The following ABCD3 variants were observed in gnomAD, a reference collection of about 807,000 sequenced individuals.
ABCD3 encodes the protein ATP-binding cassette sub-family D member 3.
Under a neutral mutation model 105.5 loss-of-function variants are expected in ABCD3, and 41 were observed. The ratio of observed to expected loss-of-function variants is 0.39; its 90% CI spans 0.30 to 0.50. The LOEUF (loss-of-function observed/expected upper bound fraction) is 0.50. ABCD3 is among the 20% of genes least tolerant of loss of function. ABCD3 has a pLI of 0.84. For synonymous variants in ABCD3, 258 were observed against 269.0 expected (o/e 0.96, Z 0.40); for missense variants, 622 against 806.3 (o/e 0.77, Z 2.77).
intron 1 of ABCD3, among the ~76,000 whole-genome samples, chr1:94,433,841 G>A (rs1014402185): frequency 1.3e-5 from 2 of 151,110 alleles, no homozygotes; most frequent in African/African-American, 2.4e-5. Context: ...TTAAAACGGG[G>A]TTTTGCCATG....
At chr1:94,483,495 G>A (rs1649124982) in intron 10 of ABCD3, among the ~76,000 whole-genome samples, 2 of 152,098 alleles carry the variant, frequency 1.3e-5, no homozygotes, top group African/African-American at 4.8e-5. Context: ...ATAATATTAA[G>A]TGTACCATCT....
At chr1:94,446,178 G>A (rs1306467055) in intron 1 of ABCD3, among the ~76,000 whole-genome samples, 1 of 152,252 alleles carries the variant, frequency 6.6e-6, no homozygotes, top group Non-Finnish European at 1.5e-5. Context: ...TGATAAAGAT[G>A]GGAACCCAAT....
chr1:94,391,935 A>T, the ABCD3 span, among the ~76,000 whole-genome samples: 1 of 152,212 alleles, frequency 6.6e-6, no homozygotes, highest in Admixed American at 6.5e-5. Context: ...AGGTTCTTTC[A>T]ATTTTTCATC....
intron 4 of ABCD3, among the ~76,000 whole-genome samples, chr1:94,470,489 A>G (rs527550937): frequency 2.0e-5 from 3 of 151,810 alleles, no homozygotes; most frequent in East Asian, 3.9e-4. Context: ...TCCTCCCTCA[A>G]TCTCCCCCTC....
intron 21 of ABCD3, among the ~76,000 whole-genome samples, chr1:94,509,218 G>A (rs750197816): frequency 6.6e-6 from 1 of 152,096 alleles, no homozygotes; most frequent in Non-Finnish European, 1.5e-5. Flanking sequence ...TTTGTCAAAG[G>A]CCTTTTCTGC....
chr1:94,423,541 G>A (rs532370311), intron 1 of ABCD3, among the ~76,000 whole-genome samples: 37 of 152,318 alleles, frequency 2.4e-4, no homozygotes, highest in African/African-American at 8.7e-4. Context: ...TCTTGAGCCT[G>A]TCTCTTTGGC....
chr1:94,468,181 A>G (rs1178208209), intron 4 of ABCD3, among the ~76,000 whole-genome samples, 174 bp downstream of exon 4: 1 of 152,204 alleles, frequency 6.6e-6, no homozygotes, highest in African/African-American at 2.4e-5. Context: ...TGTGCCAGGC[A>G]ATGTGCTATA....
At chr1:94,407,971 T>G in the ABCD3 span, among the ~76,000 whole-genome samples, 31 of 152,382 alleles carry the variant, frequency 2.0e-4, no homozygotes, top group East Asian at 6.0e-3. Flanking sequence ...TTGGCTGTTT[T>G]CCTGATACAA....
intron 16 of ABCD3, among the ~76,000 whole-genome samples, chr1:94,493,861 G>A (rs1005113489): frequency 2.0e-5 from 3 of 151,950 alleles, no homozygotes; most frequent in South Asian, 2.1e-4. Context: ...ACCAAACACC[G>A]CATATTCTCA....
rs1276380729 is a variant in ABCD3 at position 94,480,503 on chromosome 1, C to G, written c.724C>G (p.Leu242Val). The change falls in exon 9 of 23, where the codon CTA (leucine) becomes GTA (valine). Residue 242 changes from leucine to valine, a missense_variant. Around this residue, in one of 4 missense-constraint regions of ABCD3, gnomAD observed 245 missense variants for 356.4 expected, o/e 0.69. Transcript: ENST00000370214. ...GATGGCCTACTTGGTTGTTTCTGGG[C>G]TATTCCTAACTCGACTTCGAAGACC... ...SMMAYLVVSG[L>V]FLTRLRRPIG... The G allele has an allele frequency of 6.2e-7, 1 of 1,613,704 alleles. No individual in the cohort carries two copies. The highest frequency in any genetic ancestry group is 1.3e-5 in the African/African-American group (1 of 74,868).
intron 20 of ABCD3, among the ~76,000 whole-genome samples, chr1:94,506,080 G>A (rs951089872): frequency 6.6e-6 from 1 of 152,016 alleles, no homozygotes; most frequent in Non-Finnish European, 1.5e-5. Context: ...ACTGACAATG[G>A]GGATATAAAA....
chr1:94,487,645 A>G (rs769911880), intron 11 of ABCD3, 34 bp downstream of exon 11: 112 of 1,612,358 alleles, frequency 6.9e-5, no homozygotes, highest in Non-Finnish European at 8.7e-5. Context: ...AGATTTGTGG[A>G]AAAGGTGAAA....
chr1:94,434,007 A>G (rs1401582173), intron 1 of ABCD3, among the ~76,000 whole-genome samples: 1 of 152,110 alleles, frequency 6.6e-6, no homozygotes. Context: ...AAGATCAAAA[A>G]CGGTGTACCT....
chr1:94,470,381 AC>A, intron 4 of ABCD3, among the ~76,000 whole-genome samples: 1 of 152,256 alleles, frequency 6.6e-6, no homozygotes, highest in African/African-American at 2.4e-5. Context: ...AATTAATCAA[AC>A]CTTTTTGAAG....
chr1:94,420,259 G>A (rs1235902473), intron 1 of ABCD3, among the ~76,000 whole-genome samples: 1 of 152,090 alleles, frequency 6.6e-6, no homozygotes, highest in Non-Finnish European at 1.5e-5. Flanking sequence ...TTCTCCTCAT[G>A]CCCCCATCCA....
At chr1:94,495,716 A>G (rs1483052251) in intron 16 of ABCD3, among the ~76,000 whole-genome samples, 1 of 152,216 alleles carries the variant, frequency 6.6e-6, no homozygotes, top group Non-Finnish European at 1.5e-5. Context: ...TATTGATGCC[A>G]TTGTAAACCA....
intron 1 of ABCD3, among the ~76,000 whole-genome samples, chr1:94,456,949 G>T (rs1166124555): frequency 6.6e-6 from 1 of 152,134 alleles, no homozygotes; most frequent in African/African-American, 2.4e-5. Context: ...ATCCTAAGAA[G>T]TATGAGTATT....
At chr1:94,395,635 A>G in the ABCD3 span, among the ~76,000 whole-genome samples, 4 of 152,232 alleles carry the variant, frequency 2.6e-5, no homozygotes, top group Admixed American at 2.0e-4. Flanking sequence ...GATAAAGGTC[A>G]TGATCCTGTG....
At chr1:94,507,537 C>G (rs954828539) in intron 21 of ABCD3, among the ~76,000 whole-genome samples, 1 of 151,904 alleles carries the variant, frequency 6.6e-6, no homozygotes, top group African/African-American at 2.4e-5. Context: ...AATGGTATTT[C>G]TAGTTCTAGA....
Sources: gnomAD v4.1 joint callset for allele counts (sites outside exome capture counted in the v4.1 genomes callset) on GRCh38, gnomAD v4.1.1 for gene constraint, gnomAD v4.1.1 regional missense constraint, MANE v1.5 for transcripts, NCBI Gene and HGNC (gene_info 2026-07-23, HGNC 2026-07-21) for gene names.